Variants in SEC23A observed in about 807,000 individuals in gnomAD.
SEC23A encodes the protein protein transport protein Sec23A.
SEC23A carries 56 observed loss-of-function variants against 103.7 expected under a neutral mutation model. The observed-to-expected ratio is 0.54, with a 90% CI of 0.44 to 0.67. The LOEUF is 0.67. Ranked by LOEUF, SEC23A falls within the 30% of genes least tolerant of loss-of-function variation. The pLI is 0.00. For missense variants in SEC23A, 784 were observed against 936.4 expected, an observed-to-expected ratio of 0.84 and a Z score of 2.12; for synonymous variants, 281 against 293.0, an observed-to-expected ratio of 0.96 and a Z score of 0.42.
chr14:39,087,474 T>C (rs933741814), intron 5 of SEC23A: 14 of 187,104 alleles, frequency 7.5e-5, no homozygotes, highest in Non-Finnish European at 2.2e-5. Context: ...AAATGTAAAA[T>C]TGCAACAGTA....
intron 14 of SEC23A, among the ~76,000 whole-genome samples, chr14:39,049,878 C>T (rs1311862097): frequency 4.0e-5 from 6 of 151,748 alleles, no homozygotes; most frequent in South Asian, 2.1e-4. Context: ...CTGCAAGCTC[C>T]GCCTCCCAGG....
At chr14:39,080,018 T>C (rs1887168614) in intron 7 of SEC23A, among the ~76,000 whole-genome samples, 2 of 152,080 alleles carry the variant, frequency 1.3e-5, no homozygotes, top group African/African-American at 2.4e-5. Flanking sequence ...TTTGAGATAA[T>C]AGCAGTCATG....
intron 14 of SEC23A, 61 bp from the exon 15 acceptor site, chr14:39,048,790 T>C (rs1010432087): frequency 1.1e-6 from 1 of 876,324 alleles, no homozygotes; most frequent in Non-Finnish European, 1.9e-6. Context: ...CACTGTTGCC[T>C]ATAAATATTC....
chr14:39,099,792 A>C (rs1445906771), intron 1 of SEC23A, among the ~76,000 whole-genome samples: 1 of 152,166 alleles, frequency 6.6e-6, no homozygotes, highest in Non-Finnish European at 1.5e-5. Flanking sequence ...TTAATCCTTC[A>C]TACAATTCAA....
At chr14:39,082,601 T>C (rs1342698087) in intron 7 of SEC23A, among the ~76,000 whole-genome samples, 1 of 151,968 alleles carries the variant, frequency 6.6e-6, no homozygotes, top group Admixed American at 6.6e-5. Flanking sequence ...GTTCCTAATA[T>C]TTTGCAATGT....
chr14:39,061,836 T>G lies in SEC23A; in HGVS notation c.1434A>C (p.Ala478=). 6.2e-7 allele frequency: 1 copy of G among 1,614,026 alleles called. No homozygotes were observed. The highest frequency in any genetic ancestry group is 8.5e-7 in the Non-Finnish European group (1 of 1,179,884). ...GCTGATACTGAGTCACAAACTGGATTGCACCACGCCCTCCTTGAGGAATTG... is the reference window on the plus strand; with the variant it reads ...GCTGATACTGAGTCACAAACTGGATGGCACCACGCCCTCCTTGAGGAATTG... ...NAPIPQGGRG[A]IQFVTQYQHS... is the part of the protein sequence containing the mutation. The change falls in exon 13 of 20, where the codon GCA becomes GCC. Residue 478 remains alanine, a synonymous_variant. Transcript: ENST00000307712.
intron 14 of SEC23A, among the ~76,000 whole-genome samples, chr14:39,051,269 T>C (rs1235864665): frequency 6.6e-6 from 1 of 152,222 alleles, no homozygotes; most frequent in Non-Finnish European, 1.5e-5. Flanking sequence ...AAATTGGTGC[T>C]GGCACCATGT....
At chr14:39,057,385 T>C (rs573458153) in intron 13 of SEC23A, among the ~76,000 whole-genome samples, 2 of 151,990 alleles carry the variant, frequency 1.3e-5, no homozygotes, top group Non-Finnish European at 2.9e-5. Context: ...AAGGTCTCAC[T>C]CTATCACCCA....
At chr14:39,090,330 A>G (rs992687765) in intron 5 of SEC23A, among the ~76,000 whole-genome samples, 56 of 152,172 alleles carry the variant, frequency 3.7e-4, no homozygotes, top group Admixed American at 3.5e-3. Flanking sequence ...TTATATATAT[A>G]AGGTATATAT....
intron 7 of SEC23A, among the ~76,000 whole-genome samples, chr14:39,085,117 G>A (rs1887385554): frequency 6.6e-6 from 1 of 152,212 alleles, no homozygotes; most frequent in Non-Finnish European, 1.5e-5. Flanking sequence ...GGCCAGTGAT[G>A]TAATCAATCA....
At chr14:39,037,033 A>C (rs1885486035) in intron 19 of SEC23A, among the ~76,000 whole-genome samples, 1 of 152,064 alleles carries the variant, frequency 6.6e-6, no homozygotes. Flanking sequence ...ACCTTTTATG[A>C]CATACTATTC....
chr14:39,086,047 G>A (rs1887432770), intron 6 of SEC23A, 141 bp from the exon 7 acceptor site: 1 of 757,660 alleles, frequency 1.3e-6, no homozygotes, highest in Admixed American at 2.0e-5. Context: ...TCGTGTATAT[G>A]AGAACCAGCT....
chr14:39,096,477 C>A (rs1425296434), intron 1 of SEC23A, among the ~76,000 whole-genome samples: 5 of 151,800 alleles, frequency 3.3e-5, no homozygotes, highest in Non-Finnish European at 7.4e-5. Flanking sequence ...TTGTGGTGAG[C>A]CGAGATCATT....
chr14:39,046,693 T>C (rs979644593), intron 15 of SEC23A, among the ~76,000 whole-genome samples: 3 of 152,228 alleles, frequency 2.0e-5, no homozygotes, highest in Non-Finnish European at 4.4e-5. Context: ...TTTGTTTCAC[T>C]GCTTCTTTCT....
At chr14:39,042,902 G>T in intron 16 of SEC23A, 30 bp from the exon 17 acceptor site, 1 of 1,350,268 alleles carries the variant, frequency 7.4e-7, no homozygotes, top group Non-Finnish European at 1.1e-6. Flanking sequence ...GAGAAATGAG[G>T]AAAAAGGAAA....
At chr14:39,056,200 G>A (rs897818682) in intron 13 of SEC23A, among the ~76,000 whole-genome samples, 100 of 152,142 alleles carry the variant, frequency 6.6e-4, no homozygotes, top group Middle Eastern at 6.8e-3. Context: ...GCCAAGCCCT[G>A]TCTTTGTTCA....
chr14:39,052,071 C>CTTTT (rs1886082117), intron 14 of SEC23A, among the ~76,000 whole-genome samples: 1 of 151,966 alleles, frequency 6.6e-6, no homozygotes, highest in South Asian at 2.1e-4. Flanking sequence ...AAAGCAAACA[C>CTTTT]CACATGCTCT....
chr14:39,067,096 T>C, intron 10 of SEC23A, 77 bp downstream of exon 10: 3 of 1,531,046 alleles, frequency 2.0e-6, no homozygotes, highest in Non-Finnish European at 2.7e-6. Context: ...ATTTGATTAA[T>C]GGCATTTTAG....
At chr14:39,063,303 T>G (rs1594455889) in intron 12 of SEC23A, 21 bp downstream of exon 12, 6 of 1,409,566 alleles carry the variant, frequency 4.3e-6, no homozygotes, top group Middle Eastern at 1.8e-4. Flanking sequence ...CGTTTTGATA[T>G]TCAGATGTAG....
Sources: gnomAD v4.1 joint callset for allele counts (sites outside exome capture counted in the v4.1 genomes callset) on GRCh38, gnomAD v4.1.1 for gene constraint, MANE v1.5 for transcripts, NCBI Gene and HGNC (gene_info 2026-07-23, HGNC 2026-07-21) for gene names.